Variants in LHFPL6 observed in about 807,000 individuals in gnomAD.
The protein encoded by LHFPL6 is LHFPL tetraspan subfamily member 6 protein.
In LHFPL6, 9 loss-of-function variants were observed where a neutral mutation model predicts 20.6. That is an observed-to-expected ratio of 0.44 (90% CI 0.26 to 0.76). LHFPL6 has a LOEUF of 0.76. Among genes scored for constraint, LHFPL6 ranks in the 30% least tolerant of loss-of-function variants. The pLI is 0.20. For synonymous variants in LHFPL6, 105 were observed against 98.7 expected (o/e 1.06, Z -0.38); for missense variants, 218 against 253.5 (o/e 0.86, Z 0.95).
chr13:39,430,830 T>C (rs1237849249), intron 2 of LHFPL6, among the ~76,000 whole-genome samples: 1 of 152,178 alleles, frequency 6.6e-6, no homozygotes, highest in African/African-American at 2.4e-5. Flanking sequence ...AATGGACCAA[T>C]CAGCAGGACA....
rs145594746 is a variant in LHFPL6, at chr13:39,431,451, A to T, written c.386-52925T>A. Among the ~76,000 whole-genome samples the T allele has an allele frequency of 2.6e-3, 395 of 152,310 alleles. 1 individual carries two copies. The highest frequency in any genetic ancestry group is 7.5e-3 in the Admixed American group (114 of 15,300). ...ACTGGAAGGAACCAATTCTGAACAC[A>T]ACACCTACAAACTCATACTTCCAGC... is the stretch of plus-strand genomic sequence containing the variant. On this transcript the variant is annotated intron_variant, in intron 2 of 3. Coordinates refer to ENST00000379589, the MANE Select transcript of LHFPL6 (RefSeq NM_005780.3).
At chr13:39,513,761 C>A (rs927780986) in intron 2 of LHFPL6, among the ~76,000 whole-genome samples, 1 of 152,168 alleles carries the variant, frequency 6.6e-6, no homozygotes, top group African/African-American at 2.4e-5. Flanking sequence ...GGTTATATAT[C>A]TTTTCAAGAT....
rs116626810 is a variant in LHFPL6, at chr13:39,392,848, A to G, written c.386-14322T>C. Among the ~76,000 whole-genome samples, 891 of 151,998 alleles carry G rather than the reference A, an allele frequency of 5.9e-3. 8 individuals are homozygous for G. The highest frequency in any genetic ancestry group is 0.02 in the African/African-American group (835 of 41,492). The stretch of plus-strand genomic sequence containing the variant: ...TATATGTGTAAAATATATTTATAAG[A>G]TACAATCGGCCCTCTGTATCCATGA... On this transcript the variant is annotated intron_variant, in intron 2 of 3. Coordinates refer to ENST00000379589, the MANE Select transcript of LHFPL6 (RefSeq NM_005780.3).
At chr13:39,393,779 C>T (rs536846818) in intron 2 of LHFPL6, among the ~76,000 whole-genome samples, 1 of 152,108 alleles carries the variant, frequency 6.6e-6, no homozygotes. Context: ...TATTTATTCT[C>T]GTTCTAGAGA....
chr13:39,426,648 C>T (rs753048567), intron 2 of LHFPL6, among the ~76,000 whole-genome samples: 1 of 152,198 alleles, frequency 6.6e-6, no homozygotes, highest in Non-Finnish European at 1.5e-5. Flanking sequence ...ACCCACGGTG[C>T]ACCACATATT....
chr13:39,562,447 C>CATATACATAT (rs1185334406), intron 2 of LHFPL6, among the ~76,000 whole-genome samples: 1 of 68,562 alleles, frequency 1.5e-5, no homozygotes, highest in East Asian at 4.6e-4. Context: ...TACATATATA[C>CATATACATAT]ACATATATAC....
At chr13:39,546,947 C>T (rs898210086) in intron 2 of LHFPL6, among the ~76,000 whole-genome samples, 2 of 152,034 alleles carry the variant, frequency 1.3e-5, no homozygotes, top group East Asian at 1.9e-4. Context: ...GACTAAAGAT[C>T]CTTAATATGG....
intron 3 of LHFPL6, among the ~76,000 whole-genome samples, chr13:39,358,827 G>C (rs1171112089): frequency 6.6e-6 from 1 of 152,092 alleles, no homozygotes; most frequent in African/African-American, 2.4e-5. Context: ...GAAAATTCAA[G>C]TCAAAACTAC....
chr13:39,387,842 C>T (rs1218581415), intron 2 of LHFPL6, among the ~76,000 whole-genome samples: 1 of 152,136 alleles, frequency 6.6e-6, no homozygotes, highest in East Asian at 1.9e-4. Flanking sequence ...GCCAGATTTC[C>T]AGTCACCATT....
intron 2 of LHFPL6, among the ~76,000 whole-genome samples, chr13:39,499,157 C>G (rs891145127): frequency 6.6e-6 from 1 of 151,912 alleles, no homozygotes; most frequent in African/African-American, 2.4e-5. Flanking sequence ...ACCACGCACC[C>G]GGCCTGCCTT....
In LHFPL6 at chr13:39,491,156, G is replaced by C. The variant is rs142326269; in HGVS notation, c.385+109676C>G. Among the ~76,000 whole-genome samples the C allele has an allele frequency of 2.9e-3, 448 of 152,326 alleles. 1 individual carries two copies. The highest frequency in any genetic ancestry group is 9.8e-3 in the African/African-American group (409 of 41,578). ...ATTTGCAAGAAGTACAAGGCAAAAT[G>C]TGAAGCAATGATGCCACATAAGGTT... On this transcript the variant is annotated intron_variant, in intron 2 of 3. Coordinates refer to ENST00000379589, the MANE Select transcript of LHFPL6 (RefSeq NM_005780.3).
intron 2 of LHFPL6, among the ~76,000 whole-genome samples, chr13:39,497,512 A>G (rs530410472): frequency 1.9e-3 from 290 of 152,348 alleles, no homozygotes; most frequent in African/African-American, 6.8e-3. Context: ...TCCTTAGAAC[A>G]AAGTGTGCAT....
At chr13:39,579,625 T>C (rs1872218660) in intron 2 of LHFPL6, among the ~76,000 whole-genome samples, 2 of 152,230 alleles carry the variant, frequency 1.3e-5, no homozygotes, top group Admixed American at 6.5e-5. Flanking sequence ...TAAAGAATTA[T>C]ATACAACCAT....
intron 2 of LHFPL6, among the ~76,000 whole-genome samples, chr13:39,416,070 G>A (rs1222187784): frequency 2.0e-5 from 3 of 152,188 alleles, no homozygotes; most frequent in Non-Finnish European, 2.9e-5. Flanking sequence ...CTTGGGTAAC[G>A]ACTGAAGTTA....
At chr13:39,518,205 A>G (rs1869991501) in intron 2 of LHFPL6, among the ~76,000 whole-genome samples, 1 of 152,196 alleles carries the variant, frequency 6.6e-6, no homozygotes, top group South Asian at 2.1e-4. Flanking sequence ...TAAATCTCCC[A>G]TTAGATGTTT....
chr13:39,590,102 T>C (rs546327616), intron 2 of LHFPL6, among the ~76,000 whole-genome samples: 1 of 152,310 alleles, frequency 6.6e-6, no homozygotes, highest in East Asian at 1.9e-4. Context: ...ATTCATAGCC[T>C]AATCAGTAAC....
At chr13:39,528,553 A>G (rs979719989) in intron 2 of LHFPL6, among the ~76,000 whole-genome samples, 4 of 152,196 alleles carry the variant, frequency 2.6e-5, no homozygotes, top group African/African-American at 9.7e-5. Flanking sequence ...GTCCCTGTGA[A>G]TGCTTGCTCA....
intron 3 of LHFPL6, among the ~76,000 whole-genome samples, chr13:39,347,837 C>G (rs1342017886): frequency 6.6e-6 from 1 of 152,162 alleles, no homozygotes; most frequent in Non-Finnish European, 1.5e-5. Flanking sequence ...AATTTGTGGT[C>G]CATCTGTTTA....
chr13:39,541,965 C>G (rs904862398), intron 2 of LHFPL6, among the ~76,000 whole-genome samples: 1 of 151,868 alleles, frequency 6.6e-6, no homozygotes, highest in Non-Finnish European at 1.5e-5. Context: ...GTGGCAGGCA[C>G]CTGTAGCCCC....
Sources: gnomAD v4.1 joint callset for allele counts (sites outside exome capture counted in the v4.1 genomes callset) on GRCh38, gnomAD v4.1.1 for gene constraint, MANE v1.5 for transcripts, NCBI Gene and HGNC (gene_info 2026-07-23, HGNC 2026-07-21) for gene names.